GTF2H3: variants seen among roughly 807,000 people sequenced by gnomAD.
GTF2H3 encodes general transcription factor IIH subunit 3, also known as TFIIH basal transcription factor complex p34 subunit.
GTF2H3 carries 42 observed loss-of-function variants against 51.1 expected under a neutral mutation model. That is an observed-to-expected ratio of 0.82 (90% CI 0.64 to 1.06). GTF2H3 has a LOEUF of 1.06. Ranked by LOEUF, GTF2H3 falls within the 50% of genes least tolerant of loss-of-function variation. GTF2H3 has a pLI of 0.00. For synonymous variants in GTF2H3, 123 were observed against 123.8 expected (o/e 0.99, Z 0.04); for missense variants, 326 against 366.1 (o/e 0.89, Z 0.89).
In GTF2H3 at chr12:123,652,573, C is replaced by T. The variant is rs563117338; in HGVS notation, c.457+12C>T. 1.4e-5 allele frequency: 21 copies of T among 1,500,024 alleles called. No individual in the cohort carries two copies. The highest frequency in any genetic ancestry group is 1.7e-4 in the Middle Eastern group (1 of 5,794). The allele number at this position is 1,500,024 out of a possible 1,614,324, so 92.9% of individuals were successfully genotyped here. ...CAAGGAAGTTAAAGGTAAGAGCCTA[C>T]GTTTTCCTATGAGAACTGTAATCCT... On this transcript the variant is annotated intron_variant, in intron 6 of 12. Coordinates refer to ENST00000543341, the MANE Select transcript of GTF2H3 (RefSeq NM_001516.5).
intron 7 of GTF2H3, among the ~76,000 whole-genome samples, chr12:123,654,230 TTTATG>T (rs1303099144): frequency 7.3e-6 from 1 of 137,848 alleles, no homozygotes; most frequent in Non-Finnish European, 1.6e-5. Context: ...TTGTGTTTGT[TTTATG>T]TGTGTATTTG....
chr12:123,655,604 C>T, intron 8 of GTF2H3, 167 bp from the exon 9 acceptor site: 1 of 545,082 alleles, frequency 1.8e-6, no homozygotes, highest in Non-Finnish European at 3.3e-6. Flanking sequence ...ACAGCCCAGC[C>T]ATGTCCTGGG....
intron 2 of GTF2H3, among the ~76,000 whole-genome samples, chr12:123,640,292 A>T (rs908549735): frequency 1.4e-4 from 21 of 149,390 alleles, no homozygotes; most frequent in Admixed American, 6.7e-4. Flanking sequence ...GATTTTTTTC[A>T]TGTAAATGGA....
intron 9 of GTF2H3, among the ~76,000 whole-genome samples, chr12:123,657,692 T>C (rs1387896384): frequency 6.6e-6 from 1 of 152,252 alleles, no homozygotes; most frequent in Non-Finnish European, 1.5e-5. Context: ...ACTAGAACCT[T>C]AACTTCATGA....
At chr12:123,638,148 C>T (rs376668603) in intron 1 of GTF2H3, among the ~76,000 whole-genome samples, 6 of 151,932 alleles carry the variant, frequency 3.9e-5, no homozygotes, top group African/African-American at 1.5e-4. Context: ...CAGGCATGTG[C>T]CACCATGCCC....
At chr12:123,638,761 GA>G (rs1284246110) in intron 1 of GTF2H3, among the ~76,000 whole-genome samples, 1 of 147,868 alleles carries the variant, frequency 6.8e-6, no homozygotes, top group Non-Finnish European at 1.5e-5. Context: ...ACGTAGACAA[GA>G]ACTTGCTAAG....
rs1955628621 is a variant in GTF2H3, at chr12:123,659,578, T to G, written c.678T>G (p.Tyr226Ter). 6.2e-7 allele frequency: 1 copy of G among 1,613,732 alleles called. No individual in the cohort carries two copies. The change falls in exon 10 of 13, where the codon TAT becomes TAG. Residue 226 changes from tyrosine to a stop codon, truncating the protein, a stop_gained. Coordinates refer to ENST00000543341, the MANE Select transcript of GTF2H3 (RefSeq NM_001516.5). LOFTEE classifies it high-confidence loss of function. ...KVPQMPSLLQYLLWVFLPDQD... is the reference protein window; with the variant it reads ...KVPQMPSLLQ ...CTCAGATGCCTTCTCTTCTGCAGTA[T>G]TTGCTGGTAAGGAGACAGCAGCGGC... is the stretch of plus-strand genomic sequence containing the variant.
chr12:123,655,487 A>G (rs1236538635), intron 8 of GTF2H3: 2 of 385,528 alleles, frequency 5.2e-6, no homozygotes, highest in African/African-American at 2.1e-5. Flanking sequence ...ATAGCCATGC[A>G]TAATGTTCTC....
intron 9 of GTF2H3, among the ~76,000 whole-genome samples, chr12:123,656,825 G>C (rs1322168640): frequency 6.6e-6 from 1 of 152,212 alleles, no homozygotes; most frequent in Non-Finnish European, 1.5e-5. Context: ...AGTGGCTCAT[G>C]CCTATAATCT....
chr12:123,658,749 C>T (rs531996635), intron 9 of GTF2H3, among the ~76,000 whole-genome samples: 207 of 152,232 alleles, frequency 1.4e-3, no homozygotes, highest in Non-Finnish European at 2.1e-3. Flanking sequence ...AATTTTTGTG[C>T]TTCCAAGGGC....
intron 2 of GTF2H3, among the ~76,000 whole-genome samples, chr12:123,639,732 A>G (rs748496398): frequency 6.6e-6 from 1 of 152,214 alleles, no homozygotes; most frequent in Non-Finnish European, 1.5e-5. Context: ...ATATAGACAT[A>G]GGAAACCAGA....
At chr12:123,646,841 C>T (rs1452885992) in intron 3 of GTF2H3, among the ~76,000 whole-genome samples, 1 of 149,046 alleles carries the variant, frequency 6.7e-6, no homozygotes, top group African/African-American at 2.5e-5. Flanking sequence ...GTATCCTCTA[C>T]CTGATTATCT....
chr12:123,642,736 A>G (rs1446675718), intron 2 of GTF2H3, among the ~76,000 whole-genome samples: 2 of 152,196 alleles, frequency 1.3e-5, no homozygotes, highest in African/African-American at 2.4e-5. Context: ...CATGTTATAA[A>G]TCTGATAACG....
In GTF2H3 at chr12:123,651,021, C is replaced by CT; in HGVS notation, c.395dup (p.Leu132PhefsTer15). ...GACATAAAGGGTCAACATACAGAAACTTTGCTGGCAGGATCCCTGGCCAAA... is the reference window on the plus strand; with the variant it reads ...GACATAAAGGGTCAACATACAGAAACTTTTGCTGGCAGGATCCCTGGCCAAA... On this transcript the variant is annotated frameshift_variant, in exon 5 of 13. Transcript: ENST00000543341. LOFTEE classifies it high-confidence loss of function. 6.2e-7 allele frequency: 1 copy of CT among 1,613,278 alleles called. No individual in the cohort carries two copies. The highest frequency in any genetic ancestry group is 8.5e-7 in the Non-Finnish European group (1 of 1,179,282).
intron 3 of GTF2H3, among the ~76,000 whole-genome samples, chr12:123,647,117 C>T (rs1407074547): frequency 7.0e-6 from 1 of 142,724 alleles, no homozygotes; most frequent in Non-Finnish European, 1.5e-5. Flanking sequence ...CGTGCCACTG[C>T]ACTGCAGCCT....
rs546189096 is a variant in GTF2H3, at chr12:123,637,601, C to G, written c.14-1663C>G. Among the ~76,000 whole-genome samples, 8 of 151,306 alleles carry G rather than the reference C, an allele frequency of 5.3e-5. No individual in the cohort carries two copies. In the South Asian group the frequency reaches 1.7e-3, roughly 32 times the overall value. ...CACTGCAACCTCTGCCTGCCAGGTTCAAGTGATTCTCCTGCCTCAGCCTCC... is the reference window on the plus strand; with the variant it reads ...CACTGCAACCTCTGCCTGCCAGGTTGAAGTGATTCTCCTGCCTCAGCCTCC... On this transcript the variant is annotated intron_variant, in intron 1 of 12. Transcript: ENST00000543341.
chr12:123,652,332 T>G (rs11572973), intron 5 of GTF2H3, among the ~76,000 whole-genome samples, 200 bp from the exon 6 acceptor site: 7 of 152,180 alleles, frequency 4.6e-5, no homozygotes, highest in Non-Finnish European at 7.3e-5. Context: ...TTGGTGAGAT[T>G]ACAAAGTCCA....
At chr12:123,655,948 T>C in intron 9 of GTF2H3, 124 bp downstream of exon 9, 2 of 623,898 alleles carry the variant, frequency 3.2e-6, no homozygotes, top group South Asian at 4.5e-5. Flanking sequence ...TCAGCCTAAT[T>C]TTATCTATGT....
At chr12:123,643,575 T>C (rs952076205) in intron 2 of GTF2H3, among the ~76,000 whole-genome samples, 1 of 152,194 alleles carries the variant, frequency 6.6e-6, no homozygotes, top group African/African-American at 2.4e-5. Context: ...TCCAGTGTAT[T>C]TCGTGGCCAT....
Sources: allele counts gnomAD v4.1 joint callset (sites outside exome capture counted in the v4.1 genomes callset), GRCh38; gene constraint gnomAD v4.1.1; transcripts MANE v1.5; gene names NCBI Gene and HGNC (gene_info 2026-07-23, HGNC 2026-07-21).